EYA4: variants seen among roughly 807,000 people sequenced by gnomAD.
The protein encoded by EYA4 is protein phosphatase EYA4.
A neutral mutation model predicts 87.9 loss-of-function variants in EYA4; 31 were observed. That is an observed-to-expected ratio of 0.35 (90% confidence interval 0.27 to 0.48). The LOEUF (loss-of-function observed/expected upper bound fraction) is 0.48, where lower values mean the gene tolerates loss of function less well. Ranked by LOEUF, EYA4 falls within the 20% of genes least tolerant of loss-of-function variation. The probability of loss-of-function intolerance (pLI) is 0.99; values close to 1 mark genes in which losing one functional copy is unlikely to be tolerated. For missense variants in EYA4, 678 were observed against 761.4 expected (o/e 0.89, Z 1.29); for synonymous variants, 263 against 270.6 (o/e 0.97, Z 0.28).
intron 2 of EYA4, among the ~76,000 whole-genome samples, chr6:133,320,619 C>T (rs539890410): frequency 6.6e-6 from 1 of 152,014 alleles, no homozygotes; most frequent in Non-Finnish European, 1.5e-5. Flanking sequence ...CCAGCATACC[C>T]ATCACCCAAA....
chr6:133,514,048 A>G (rs1350287813), intron 16 of EYA4, among the ~76,000 whole-genome samples: 5 of 152,206 alleles, frequency 3.3e-5, no homozygotes, highest in East Asian at 1.9e-4. Context: ...AGTGAAACAC[A>G]TAAGAGATGC....
At chr6:133,244,560 A>C (rs1244746252) in intron 1 of EYA4, among the ~76,000 whole-genome samples, 1 of 151,636 alleles carries the variant, frequency 6.6e-6, no homozygotes, top group Non-Finnish European at 1.5e-5. Context: ...TTGACGGGTG[A>C]CTGGCAGATG....
At chr6:133,354,029 G>T (rs1445982311) in intron 2 of EYA4, among the ~76,000 whole-genome samples, 2 of 152,130 alleles carry the variant, frequency 1.3e-5, no homozygotes, top group African/African-American at 4.8e-5. Flanking sequence ...CTACCTTTCT[G>T]TTGTCACATT....
intron 9 of EYA4, among the ~76,000 whole-genome samples, chr6:133,464,133 T>C (rs889480327): frequency 6.6e-6 from 1 of 152,122 alleles, no homozygotes; most frequent in Non-Finnish European, 1.5e-5. Flanking sequence ...ACTTTTTTTT[T>C]AGGAAACCTG....
At chr6:133,279,324 A>G (rs1777435633) in intron 2 of EYA4, among the ~76,000 whole-genome samples, 1 of 152,062 alleles carries the variant, frequency 6.6e-6, no homozygotes, top group African/African-American at 2.4e-5. Context: ...GTATTTCCAC[A>G]TTGTTACTAA....
Position 133,528,845 on chromosome 6 carries a change from G to A in EYA4, c.*40G>A. ...CGGAGATCCATTTTTTATATTTCAA[G>A]TACACTGAATTTTTATGTGTGATTC... On this transcript the variant is annotated 3_prime_UTR_variant, in exon 20 of 20. Coordinates refer to ENST00000355286, the MANE Select transcript of EYA4 (RefSeq NM_004100.5). 1 of 1,611,836 alleles carries A rather than the reference G, an allele frequency of 6.2e-7. No individual in the cohort carries two copies. The highest frequency in any genetic ancestry group is 8.5e-7 in the Non-Finnish European group (1 of 1,178,324).
intron 13 of EYA4, among the ~76,000 whole-genome samples, chr6:133,501,101 C>G (rs1798079137): frequency 6.6e-6 from 1 of 152,046 alleles, no homozygotes; most frequent in Admixed American, 6.6e-5. Flanking sequence ...TGCACCTGTT[C>G]ATACCTAGCT....
At chr6:133,468,171 C>T (rs1795011803) in intron 10 of EYA4, among the ~76,000 whole-genome samples, 3 of 152,028 alleles carry the variant, frequency 2.0e-5, no homozygotes, top group Admixed American at 2.0e-4. Context: ...GCCCCAACTC[C>T]TTGCTGGTGA....
chr6:133,348,261 GTTTTTTTTTTTTTTTTTT>G (rs35905853), intron 2 of EYA4, among the ~76,000 whole-genome samples: 1 of 68,778 alleles, frequency 1.5e-5, no homozygotes, highest in Non-Finnish European at 2.6e-5. Flanking sequence ...TCTTCAAGTA[GTTTTTTTTTTTTTTTTTT>G]TTTTTTTTTT....
At chr6:133,323,073 C>CGTGTGT (rs141727232) in intron 2 of EYA4, among the ~76,000 whole-genome samples, 55,335 of 149,138 alleles carry the variant, frequency 0.37, 11,040 homozygotes, top group Non-Finnish European at 0.47. Flanking sequence ...GTATAAAATC[C>CGTGTGT]GTGTGTGTGT....
At chr6:133,527,140 G>A (rs1800702845) in intron 19 of EYA4, among the ~76,000 whole-genome samples, 1 of 152,172 alleles carries the variant, frequency 6.6e-6, no homozygotes, top group South Asian at 2.1e-4. Context: ...TTTGGTGATG[G>A]TGAAGGCTTA....
chr6:133,410,608 G>A (rs1016566404), intron 3 of EYA4, among the ~76,000 whole-genome samples: 9 of 78,558 alleles, frequency 1.1e-4, no homozygotes, highest in East Asian at 5.0e-4. Flanking sequence ...AAAAACTTCT[G>A]TATTTTTCCA....
At chr6:133,341,831 A>G (rs1035615245) in intron 2 of EYA4, among the ~76,000 whole-genome samples, 1 of 152,128 alleles carries the variant, frequency 6.6e-6, no homozygotes, top group Admixed American at 6.5e-5. Context: ...AACAAGTGAA[A>G]TAGTTAGTGT....
intron 2 of EYA4, chr6:133,360,184 A>C (rs998597971): frequency 1.3e-5 from 2 of 152,254 alleles, no homozygotes; most frequent in Non-Finnish European, 2.9e-5. Flanking sequence ...GTAAAAGCAA[A>C]CCATTATGAT....
At chr6:133,523,312 C>A in intron 18 of EYA4, 135 bp downstream of exon 18, 1 of 876,136 alleles carries the variant, frequency 1.1e-6, no homozygotes, top group Non-Finnish European at 1.9e-6. Flanking sequence ...TCCCCTACAA[C>A]TCATTGTACA....
chr6:133,339,264 A>G (rs945700481), intron 2 of EYA4, among the ~76,000 whole-genome samples: 1 of 152,206 alleles, frequency 6.6e-6, no homozygotes, highest in African/African-American at 2.4e-5. Context: ...GCATCTCTGA[A>G]GGAGACAAGT....
intron 13 of EYA4, among the ~76,000 whole-genome samples, chr6:133,503,242 TG>T (rs1798293905): frequency 6.6e-6 from 1 of 152,212 alleles, no homozygotes; most frequent in Admixed American, 6.5e-5. Flanking sequence ...TTCAGAAGCA[TG>T]GAATTGATCA....
chr6:133,465,974 T>C (rs916953432), intron 10 of EYA4, among the ~76,000 whole-genome samples: 4 of 152,154 alleles, frequency 2.6e-5, no homozygotes, highest in African/African-American at 9.6e-5. Context: ...AATTGAGGTT[T>C]TTTTTGTAAC....
chr6:133,266,762 G>A (rs1776254616), intron 1 of EYA4, among the ~76,000 whole-genome samples: 1 of 151,960 alleles, frequency 6.6e-6, no homozygotes, highest in Non-Finnish European at 1.5e-5. Context: ...CCTGAAAAAT[G>A]TGAAAAAGGA....
Sources: gnomAD v4.1 joint callset for allele counts (sites outside exome capture counted in the v4.1 genomes callset) on GRCh38, gnomAD v4.1.1 for gene constraint, MANE v1.5 for transcripts, NCBI Gene and HGNC (gene_info 2026-07-23, HGNC 2026-07-21) for gene names.